The following MGAT4C variants were observed in gnomAD, a reference collection of about 807,000 sequenced individuals.
The protein encoded by MGAT4C is MGAT4 family member C, also known as alpha-1,3-mannosyl-glycoprotein 4-beta-N-acetylglucosaminyltransferase C.
A neutral mutation model predicts 40.1 loss-of-function variants in MGAT4C; 19 were observed. That is an observed-to-expected ratio of 0.47 (90% CI 0.33 to 0.70). The LOEUF is 0.70. Among genes scored for constraint, MGAT4C ranks in the 30% least tolerant of loss-of-function variants. The pLI, the probability that MGAT4C is intolerant of heterozygous loss-of-function variation, is 0.02. For synonymous variants in MGAT4C, 181 were observed against 187.1 expected (o/e 0.97, Z 0.27); for missense variants, 491 against 563.2 (o/e 0.87, Z 1.30).
chr12:86,720,292 C>G (rs1442986839), intron 2 of MGAT4C, among the ~76,000 whole-genome samples: 1 of 53,834 alleles, frequency 1.9e-5, no homozygotes, highest in African/African-American at 3.7e-5. Flanking sequence ...CCTACAGAAG[C>G]TGCATGACCT....
At chr12:86,636,999 C>T in intron 2 of MGAT4C, among the ~76,000 whole-genome samples, 1 of 151,866 alleles carries the variant, frequency 6.6e-6, no homozygotes. Flanking sequence ...CCTTCCCAGA[C>T]ATATCCTGTT....
chr12:86,310,077 GTATGAA>G (rs754164401), intron 4 of MGAT4C, among the ~76,000 whole-genome samples: 1 of 151,166 alleles, frequency 6.6e-6, no homozygotes, highest in Non-Finnish European at 1.5e-5. Context: ...AAAAGTGACA[GTATGAA>G]GTAGAGAAAC....
At chr12:86,285,346 CTA>C (rs1211048116) in intron 4 of MGAT4C, among the ~76,000 whole-genome samples, 2 of 152,018 alleles carry the variant, frequency 1.3e-5, no homozygotes, top group South Asian at 2.1e-4. Context: ...GGGATGTTGA[CTA>C]TTGTGTTCAC....
At chr12:86,356,514 G>C (rs377175357) in intron 3 of MGAT4C, among the ~76,000 whole-genome samples, 2 of 152,268 alleles carry the variant, frequency 1.3e-5, no homozygotes, top group African/African-American at 4.8e-5. Context: ...AGACAAAGCA[G>C]GGCAGGGCAT....
intron 2 of MGAT4C, among the ~76,000 whole-genome samples, chr12:86,435,829 C>G (rs905766260): frequency 5.3e-5 from 8 of 151,846 alleles, no homozygotes; most frequent in Non-Finnish European, 2.9e-5. Flanking sequence ...GTGGCCCAGA[C>G]ACAATCACAT....
At chr12:86,536,001 A>G (rs370086383) in intron 2 of MGAT4C, among the ~76,000 whole-genome samples, 1 of 152,134 alleles carries the variant, frequency 6.6e-6, no homozygotes, top group African/African-American at 2.4e-5. Flanking sequence ...AATGTAATTC[A>G]TTTGTATACA....
chr12:86,238,562 T>C (rs759143920), intron 1 of MGAT4C, among the ~76,000 whole-genome samples: 61 of 152,074 alleles, frequency 4.0e-4, no homozygotes, highest in Non-Finnish European at 8.4e-4. Flanking sequence ...ACAACACAGA[T>C]ATAGCTTCAT....
intron 1 of MGAT4C, among the ~76,000 whole-genome samples, chr12:86,804,720 T>G (rs910251308): frequency 6.6e-5 from 10 of 152,014 alleles, no homozygotes; most frequent in Non-Finnish European, 1.2e-4. Flanking sequence ...ATCCCTAAAT[T>G]ATCTAAGCCA....
chr12:86,079,769 A>C (rs1870475628), intron 1 of MGAT4C, among the ~76,000 whole-genome samples: 1 of 151,164 alleles, frequency 6.6e-6, no homozygotes, highest in African/African-American at 2.4e-5. Context: ...TATATATAAA[A>C]TATATTTATA....
chr12:85,999,583 G>GTGTATATATATATATATATATATA (rs1226916126), intron 2 of MGAT4C, among the ~76,000 whole-genome samples: 1 of 122,962 alleles, frequency 8.1e-6, no homozygotes, highest in African/African-American at 2.9e-5. Flanking sequence ...GTGTGTGTGT[G>GTGTATATATATATATATATATATA]TATATATATA....
At position 86,535,729 on chromosome 12, in the gene MGAT4C, A is replaced by G. The variant is rs113805227; in HGVS notation, c.-228-100464T>C. Among the ~76,000 whole-genome samples, 501 of 152,254 alleles carry G rather than the reference A, an allele frequency of 3.3e-3. 1 individual carries two copies. The highest frequency in any genetic ancestry group is 0.012 in the African/African-American group (484 of 41,594). On this transcript the variant is annotated intron_variant, in intron 2 of 7. Transcript: ENST00000548651. ...CAATGAAATCACTAATAAGGCATCC[A>G]GAAATGCAAATACCTACATAAATTG...
intron 1 of MGAT4C, among the ~76,000 whole-genome samples, chr12:86,162,230 A>T (rs1056963867): frequency 6.6e-5 from 10 of 152,208 alleles, no homozygotes; most frequent in African/African-American, 2.4e-4. Context: ...AATAGCAAAG[A>T]CATGAAATCA....
At chr12:86,433,987 A>G (rs1274738274) in intron 3 of MGAT4C, among the ~76,000 whole-genome samples, 1 of 152,044 alleles carries the variant, frequency 6.6e-6, no homozygotes, top group Non-Finnish European at 1.5e-5. Flanking sequence ...ATAAATACCT[A>G]TTGAAGTTAT....
chr12:86,516,885 CT>C (rs756338336), intron 2 of MGAT4C, among the ~76,000 whole-genome samples: 1 of 152,142 alleles, frequency 6.6e-6, no homozygotes, highest in African/African-American at 2.4e-5. Flanking sequence ...TAAACAACTA[CT>C]TCAACTTAAC....
intron 2 of MGAT4C, among the ~76,000 whole-genome samples, chr12:86,018,902 A>C (rs1889365661): frequency 6.6e-6 from 1 of 152,084 alleles, no homozygotes; most frequent in Non-Finnish European, 1.5e-5. Flanking sequence ...AAATAATAAA[A>C]CTTGAGATGA....
intron 1 of MGAT4C, among the ~76,000 whole-genome samples, chr12:86,770,143 A>G (rs1395275181): frequency 1.3e-5 from 2 of 152,074 alleles, no homozygotes; most frequent in Admixed American, 1.3e-4. Flanking sequence ...AGAAACAGAG[A>G]CTATTTTTTT....
intron 1 of MGAT4C, among the ~76,000 whole-genome samples, chr12:86,091,776 T>C (rs1337172353): frequency 6.6e-6 from 1 of 152,094 alleles, no homozygotes; most frequent in African/African-American, 2.4e-5. Context: ...TGGAGAGCCC[T>C]TGAAGTATAT....
At chr12:86,836,058 T>G (rs1023909270) in intron 1 of MGAT4C, among the ~76,000 whole-genome samples, 3 of 152,054 alleles carry the variant, frequency 2.0e-5, no homozygotes, top group African/African-American at 7.2e-5. Context: ...TAGATACCAC[T>G]AGTGCCATTA....
At chr12:86,733,986 C>T (rs924026203) in intron 1 of MGAT4C, among the ~76,000 whole-genome samples, 1 of 152,042 alleles carries the variant, frequency 6.6e-6, no homozygotes, top group African/African-American at 2.4e-5. Flanking sequence ...AGGCTAGTCT[C>T]TCAAGAAAAA....
Sources: allele counts gnomAD v4.1 joint callset (sites outside exome capture counted in the v4.1 genomes callset), GRCh38; gene constraint gnomAD v4.1.1; transcripts MANE v1.5; gene names NCBI Gene and HGNC (gene_info 2026-07-23, HGNC 2026-07-21).